GRM5: variants seen among roughly 807,000 people sequenced by gnomAD.
GRM5 encodes glutamate metabotropic receptor 5.
A neutral mutation model predicts 83.1 loss-of-function variants in GRM5; 19 were observed. That is an observed-to-expected ratio of 0.23 (90% CI 0.16 to 0.34). GRM5 has a LOEUF of 0.34. Among genes scored for constraint, GRM5 ranks in the 10% least tolerant of loss-of-function variants. The pLI is 1.00. For missense variants in GRM5, 1,160 were observed against 1,588.3 expected (o/e 0.73, Z 4.58); for synonymous variants, 675 against 633.6 (o/e 1.07, Z -0.98).
chr11:88,538,653 A>G (rs1942192148), intron 8 of GRM5, among the ~76,000 whole-genome samples: 1 of 152,210 alleles, frequency 6.6e-6, no homozygotes, highest in African/African-American at 2.4e-5. Context: ...GTGAAGTCAG[A>G]TGAAGCTAGA....
rs1942900580 is a variant in GRM5 at position 88,567,514 on chromosome 11, G to A, written c.2169C>T (p.Tyr723=). ...IMEPPDIMHD[Y]PSIREVYLIC... is the part of the protein sequence containing the mutation. ...TCAGGTAGACTTCTCGAATGCTTGG[G>A]TAGTCATGCATTATGTCAGGAGGCT... The change falls in exon 8 of 10, where the codon TAC becomes TAT. Residue 723 remains tyrosine, a synonymous_variant. Transcript: ENST00000305447. The surrounding 1 kb of genome is among the most constrained non-coding windows in gnomAD (Gnocchi z 7.3). 1 of 1,612,914 alleles carries A rather than the reference G, an allele frequency of 6.2e-7. No homozygotes were observed. Among genetic ancestry groups the A allele is most frequent in the Non-Finnish European group, 8.5e-7 (1 of 1,178,884 alleles).
rs1943281239 is a variant in GRM5 at position 88,796,683 on chromosome 11, TCTTATA to T, written c.911+53217_911+53222del. ...TGCCATGGATCCTGCATTATATATGTCTTATAAATAGGCTAAAATGATTTGAACTTC... is the reference window on the plus strand; with the variant it reads ...TGCCATGGATCCTGCATTATATATGTAATAGGCTAAAATGATTTGAACTTC... On this transcript the variant is annotated intron_variant, in intron 3 of 9. Coordinates refer to ENST00000305447, the MANE Select transcript of GRM5 (RefSeq NM_001143831.3). 2.0e-5 allele frequency among the ~76,000 whole-genome samples: 3 copies of T among 152,272 alleles called. No individual in the cohort carries two copies. In the South Asian group the frequency reaches 6.2e-4, roughly 32 times the overall value.
intron 7 of GRM5, among the ~76,000 whole-genome samples, chr11:88,588,762 G>T (rs919750202): frequency 6.6e-6 from 1 of 152,002 alleles, no homozygotes; most frequent in African/African-American, 2.4e-5. Context: ...TAATTTGTCA[G>T]TGAGGCACAC....
intron 3 of GRM5, among the ~76,000 whole-genome samples, chr11:88,670,637 G>A (rs1940167824): frequency 6.6e-6 from 1 of 151,920 alleles, no homozygotes; most frequent in African/African-American, 2.4e-5. Context: ...AAAGTAAGTG[G>A]TCAGGAAGCT....
chr11:89,041,952 G>A (rs1941544627), intron 2 of GRM5, among the ~76,000 whole-genome samples: 1 of 152,216 alleles, frequency 6.6e-6, no homozygotes, highest in African/African-American at 2.4e-5. Context: ...ATCTTTCAGA[G>A]TTTCCGCAAA....
chr11:89,025,328 T>A (rs2135115856), intron 2 of GRM5, among the ~76,000 whole-genome samples: 1 of 152,252 alleles, frequency 6.6e-6, no homozygotes, highest in Middle Eastern at 3.4e-3. Context: ...TGGAAGTTGC[T>A]AAGGATGGCA....
intron 3 of GRM5, among the ~76,000 whole-genome samples, chr11:88,766,711 T>A (rs775094835): frequency 9.9e-5 from 15 of 151,976 alleles, no homozygotes; most frequent in Non-Finnish European, 2.9e-5. Context: ...CAATTCTAGT[T>A]AAACTAAATA....
intron 3 of GRM5, among the ~76,000 whole-genome samples, chr11:88,786,539 C>A (rs771883717): frequency 1.3e-5 from 2 of 152,088 alleles, no homozygotes; most frequent in African/African-American, 4.8e-5. Flanking sequence ...TTGCTACTTG[C>A]GCAATGTGTG....
intron 3 of GRM5, among the ~76,000 whole-genome samples, chr11:88,793,419 C>G (rs1268052695): frequency 6.6e-6 from 1 of 152,102 alleles, no homozygotes; most frequent in Non-Finnish European, 1.5e-5. Flanking sequence ...TTCTGGACCT[C>G]AGGTTTAAAA....
chr11:88,579,638 C>T (rs1013746565), intron 7 of GRM5, among the ~76,000 whole-genome samples: 7 of 152,078 alleles, frequency 4.6e-5, no homozygotes, highest in African/African-American at 1.7e-4. Context: ...GCCTTTCTGA[C>T]CTTTTAATGG....
intron 3 of GRM5, among the ~76,000 whole-genome samples, chr11:88,710,424 G>T (rs1941257516): frequency 6.6e-6 from 1 of 152,090 alleles, no homozygotes; most frequent in Non-Finnish European, 1.5e-5. Flanking sequence ...GAGCCCAAGA[G>T]GCATGAATTC....
intron 3 of GRM5, among the ~76,000 whole-genome samples, chr11:88,783,320 G>C (rs1469942520): frequency 6.6e-6 from 1 of 151,996 alleles, no homozygotes; most frequent in Non-Finnish European, 1.5e-5. Flanking sequence ...ACTAAATTTT[G>C]GGTATCTTCC....
chr11:88,595,347 T>A (rs988229005), intron 6 of GRM5, among the ~76,000 whole-genome samples: 4 of 152,178 alleles, frequency 2.6e-5, no homozygotes, highest in Non-Finnish European at 2.9e-5. Context: ...AATTTATTCC[T>A]CCTATCTAGC....
At chr11:88,876,940 T>G (rs1260230491) in intron 2 of GRM5, among the ~76,000 whole-genome samples, 1 of 152,044 alleles carries the variant, frequency 6.6e-6, no homozygotes, top group Non-Finnish European at 1.5e-5. Context: ...TGGAAGACAT[T>G]ATGTTAAGTT....
At chr11:88,927,052 C>G (rs613460) in intron 2 of GRM5, among the ~76,000 whole-genome samples, 40,212 of 152,078 alleles carry the variant, frequency 0.26, 6,320 homozygotes, top group Non-Finnish European at 0.36. Flanking sequence ...GAGACTAAAA[C>G]TTCAATGCAT....
chr11:88,606,712 G>T (rs972978978), intron 4 of GRM5, among the ~76,000 whole-genome samples: 16 of 152,132 alleles, frequency 1.1e-4, no homozygotes, highest in Non-Finnish European at 2.4e-4. Flanking sequence ...CATTAAGAGG[G>T]AATGCAGTGA....
chr11:88,859,872 G>T (rs989094968), intron 2 of GRM5, among the ~76,000 whole-genome samples: 5 of 152,136 alleles, frequency 3.3e-5, no homozygotes, highest in African/African-American at 1.2e-4. Context: ...AGCACTAAAT[G>T]ATTCAGTCCC....
intron 3 of GRM5, among the ~76,000 whole-genome samples, chr11:88,831,476 G>C (rs1215301096): frequency 6.6e-6 from 1 of 152,186 alleles, no homozygotes; most frequent in Non-Finnish European, 1.5e-5. Flanking sequence ...ATTCTGCCAG[G>C]AATCTGGGCA....
intron 2 of GRM5, among the ~76,000 whole-genome samples, chr11:88,917,141 G>C (rs1287637469): frequency 1.3e-5 from 2 of 152,172 alleles, no homozygotes; most frequent in African/African-American, 4.8e-5. Context: ...TCAGTACGAA[G>C]AGACATAGAG....
Sources: gnomAD v4.1 joint callset for allele counts (sites outside exome capture counted in the v4.1 genomes callset) on GRCh38, gnomAD v4.1.1 for gene constraint, Gnocchi (gnomAD v3.1) non-coding constraint, MANE v1.5 for transcripts, NCBI Gene and HGNC (gene_info 2026-07-23, HGNC 2026-07-21) for gene names.